Variants in NVL observed in about 807,000 individuals in gnomAD.
NVL encodes the protein nuclear valosin-containing protein-like.
In NVL, 84 loss-of-function variants were observed where a neutral mutation model predicts 110.2. The observed-to-expected ratio is 0.76, with a 90% CI of 0.64 to 0.91. NVL has a LOEUF of 0.91. NVL is among the 40% of genes least tolerant of loss of function. The pLI is 0.00. For missense variants in NVL, 882 were observed against 1,035.9 expected, an observed-to-expected ratio of 0.85 and a Z score of 2.04; for synonymous variants, 354 against 361.1, an observed-to-expected ratio of 0.98 and a Z score of 0.22.
At chr1:224,293,236 A>AT (rs1293589219) in intron 12 of NVL, among the ~76,000 whole-genome samples, 4 of 148,408 alleles carry the variant, frequency 2.7e-5, no homozygotes, top group Non-Finnish European at 4.5e-5. Flanking sequence ...TGCCTGGCTA[A>AT]TTTTTTGTAT....
intron 9 of NVL, chr1:224,301,798 C>CA (rs61084002): frequency 2.5e-3 from 189 of 75,724 alleles, no homozygotes; most frequent in East Asian, 0.01. Context: ...AAATCTGTTT[C>CA]AAAAAAAAAA....
intron 22 of NVL, 33 bp from the exon 23 acceptor site, chr1:224,227,703 C>T (rs768854581): frequency 7.5e-6 from 12 of 1,597,346 alleles, no homozygotes; most frequent in South Asian, 6.7e-5. Flanking sequence ...ATACAGAGAC[C>T]GTCACTGCTT....
At chr1:224,241,074 C>T (rs1351803735) in intron 19 of NVL, among the ~76,000 whole-genome samples, 1 of 152,164 alleles carries the variant, frequency 6.6e-6, no homozygotes, top group Non-Finnish European at 1.5e-5. Flanking sequence ...CAGGCACAAG[C>T]TACCACGCTC....
intron 19 of NVL, among the ~76,000 whole-genome samples, chr1:224,246,810 C>T (rs375856783): frequency 1.4e-3 from 216 of 151,672 alleles, no homozygotes; most frequent in African/African-American, 4.9e-3. Flanking sequence ...CCGTGGTGGG[C>T]GGATCACTTG....
rs565772593 is a variant in NVL at position 224,315,985 on chromosome 1, A to G, written c.284+1709T>C. ...CGAGGCAAGAGGATTGCTTGAGCCC[A>G]GGGGTACAAGACCAGCCTGACAACA... On this transcript the variant is annotated intron_variant, in intron 4 of 22. Transcript: ENST00000281701. Among the ~76,000 whole-genome samples, 3 of 152,308 alleles carry G rather than the reference A, an allele frequency of 2.0e-5. No homozygotes were observed. The South Asian group carries it at 6.2e-4, about 32-fold the overall frequency.
At chr1:224,261,668 A>G (rs1442854258) in intron 18 of NVL, among the ~76,000 whole-genome samples, 2 of 152,146 alleles carry the variant, frequency 1.3e-5, no homozygotes, top group Non-Finnish European at 2.9e-5. Flanking sequence ...GAAGAGGGCT[A>G]GGGCTATGCA....
At chr1:224,243,185 G>A (rs1571799848) in intron 19 of NVL, among the ~76,000 whole-genome samples, 1 of 151,912 alleles carries the variant, frequency 6.6e-6, no homozygotes, top group Non-Finnish European at 1.5e-5. Context: ...AAAGGGCCGG[G>A]TGTAGTGGCT....
chr1:224,246,603 A>G (rs1661848468), intron 19 of NVL, among the ~76,000 whole-genome samples: 1 of 152,242 alleles, frequency 6.6e-6, no homozygotes, highest in Admixed American at 6.5e-5. Flanking sequence ...GTGTGAAAGC[A>G]TTATCATTAT....
rs112248565 is a variant in NVL at position 224,264,258 on chromosome 1, T to G, written c.2182+3776A>C. ...TAAAAATGGTGATTTTTTTTTTTTT[T>G]TGTGAGATGGAGTCTCACTCTGTCG... On this transcript the variant is annotated intron_variant, in intron 18 of 22. Coordinates refer to ENST00000281701, the MANE Select transcript of NVL (RefSeq NM_002533.4). 4.8e-3 allele frequency among the ~76,000 whole-genome samples: 725 copies of G among 151,936 alleles called. 3 individuals carry two copies. Among genetic ancestry groups the G allele is most frequent in the African/African-American group, 0.015 (611 of 41,424 alleles).
chr1:224,278,971 T>C (rs1357476038), intron 16 of NVL, among the ~76,000 whole-genome samples: 1 of 152,032 alleles, frequency 6.6e-6, no homozygotes, highest in Non-Finnish European at 1.5e-5. Flanking sequence ...GCAATCCTCC[T>C]GCCTTGACCT....
At chr1:224,289,780 T>G in intron 12 of NVL, 47 bp from the exon 13 acceptor site, 1 of 1,554,162 alleles carries the variant, frequency 6.4e-7, no homozygotes, top group Non-Finnish European at 8.7e-7. Flanking sequence ...GATCTAATAG[T>G]AAAAACAAGT....
chr1:224,325,681 T>C (rs998524239), intron 2 of NVL, among the ~76,000 whole-genome samples: 4 of 151,832 alleles, frequency 2.6e-5, no homozygotes, highest in Admixed American at 2.6e-4. Flanking sequence ...TGCGGTGAGC[T>C]GAGGTCATGC....
chr1:224,309,902 C>G (rs1222414813), intron 5 of NVL, among the ~76,000 whole-genome samples: 1 of 152,022 alleles, frequency 6.6e-6, no homozygotes, highest in Non-Finnish European at 1.5e-5. Flanking sequence ...TGGTGGCGCA[C>G]ACCTTAATCT....
intron 18 of NVL, among the ~76,000 whole-genome samples, chr1:224,264,123 G>A (rs886765819): frequency 1.3e-5 from 2 of 152,182 alleles, no homozygotes; most frequent in Non-Finnish European, 1.5e-5. Flanking sequence ...AGAGGCCACT[G>A]TGGAAATGGA....
At chr1:224,282,056 TA>T (rs1236278055) in intron 15 of NVL, among the ~76,000 whole-genome samples, 1 of 151,112 alleles carries the variant, frequency 6.6e-6, no homozygotes, top group Non-Finnish European at 1.5e-5. Flanking sequence ...CTTTTTTTTT[TA>T]AATTTCACTT....
Position 224,286,678 on chromosome 1 carries a change from T to C in NVL, c.1795-548A>G, listed in dbSNP as rs897962651. ...TAATGATATAATATTTCAACAAATA[T>C]GTTTTAGAAAACCATTTAAATTTCT... On this transcript the variant is annotated intron_variant, in intron 14 of 22. Transcript: ENST00000281701. Among the ~76,000 whole-genome samples the C allele has an allele frequency of 8.5e-5, 13 of 152,348 alleles. No individual in the cohort carries two copies. The East Asian group carries it at 2.1e-3, about 25-fold the overall frequency.
At chr1:224,231,160 T>G in intron 22 of NVL, 66 bp downstream of exon 22, 167 of 1,049,654 alleles carry the variant, frequency 1.6e-4, no homozygotes, top group Non-Finnish European at 2.1e-4. Flanking sequence ...GTTTAATTCA[T>G]GAGGTCATAT....
intron 18 of NVL, among the ~76,000 whole-genome samples, chr1:224,254,470 G>A (rs10916577): frequency 0.89 from 129,443 of 146,260 alleles, 57,906 homozygotes; most frequent in Non-Finnish European, 0.94. Context: ...TCAGCTCACC[G>A]CAACCTCTAC....
At chr1:224,244,433 T>A (rs1160070824) in intron 19 of NVL, among the ~76,000 whole-genome samples, 1 of 152,046 alleles carries the variant, frequency 6.6e-6, no homozygotes, top group African/African-American at 2.4e-5. Flanking sequence ...ACATCATCAC[T>A]AGAAATACCA....
Sources: gnomAD v4.1 joint callset for allele counts (sites outside exome capture counted in the v4.1 genomes callset) on GRCh38, gnomAD v4.1.1 for gene constraint, MANE v1.5 for transcripts, NCBI Gene and HGNC (gene_info 2026-07-23, HGNC 2026-07-21) for gene names.